MITF: variants seen among roughly 807,000 people sequenced by gnomAD.
The protein encoded by MITF is microphthalmia-associated transcription factor.
MITF carries 17 observed loss-of-function variants against 60.5 expected under a neutral mutation model. The ratio of observed to expected loss-of-function variants is 0.28; its 90% CI spans 0.19 to 0.42. The LOEUF (loss-of-function observed/expected upper bound fraction) is 0.42. MITF is among the 10% of genes least tolerant of loss of function. The probability of loss-of-function intolerance (pLI) is 1.00; values close to 1 mark genes in which losing one functional copy is unlikely to be tolerated. For missense variants in MITF, 622 were observed against 683.5 expected (o/e 0.91, Z 1.00); for synonymous variants, 260 against 248.5 (o/e 1.05, Z -0.43).
intron 1 of MITF, among the ~76,000 whole-genome samples, chr3:69,856,149 G>A (rs544118564): frequency 3.9e-5 from 6 of 152,128 alleles, no homozygotes; most frequent in African/African-American, 7.2e-5. Flanking sequence ...CCACTCTATC[G>A]GGGCTGTGTT....
At chr3:69,854,310 C>T (rs1200868697) in intron 1 of MITF, among the ~76,000 whole-genome samples, 1 of 152,110 alleles carries the variant, frequency 6.6e-6, no homozygotes, top group Non-Finnish European at 1.5e-5. Context: ...TCCTTGGTAT[C>T]CTTGGGGGAT....
At chr3:69,916,537 G>C (rs2065339201) in intron 2 of MITF, among the ~76,000 whole-genome samples, 1 of 151,922 alleles carries the variant, frequency 6.6e-6, no homozygotes, top group African/African-American at 2.4e-5. Context: ...GTTAAATTTG[G>C]GATTGTTTAA....
At chr3:69,799,836 A>G (rs2062888811) in intron 1 of MITF, among the ~76,000 whole-genome samples, 1 of 152,076 alleles carries the variant, frequency 6.6e-6, no homozygotes. Flanking sequence ...TCACAAAGAA[A>G]CCTATACTGG....
At chr3:69,951,919 GA>G (rs1225022085) in intron 7 of MITF, 33 bp downstream of exon 7, 1 of 1,462,472 alleles carries the variant, frequency 6.8e-7, no homozygotes, top group Admixed American at 1.7e-5. Flanking sequence ...CATGACATTT[GA>G]TATTAATGTT....
At chr3:69,761,684 A>G (rs1203374347) in intron 1 of MITF, among the ~76,000 whole-genome samples, 4 of 152,244 alleles carry the variant, frequency 2.6e-5, no homozygotes, top group African/African-American at 9.6e-5. Context: ...GCCTGTCTGC[A>G]TAGTCCTTTG....
chr3:69,860,923 G>GA (rs1326382610), intron 1 of MITF, among the ~76,000 whole-genome samples: 4 of 152,168 alleles, frequency 2.6e-5, no homozygotes, highest in South Asian at 2.1e-4. Context: ...CTTGGTAGGA[G>GA]AAAAAAATAG....
chr3:69,915,504 T>C, intron 2 of MITF, among the ~76,000 whole-genome samples: 1 of 151,574 alleles, frequency 6.6e-6, no homozygotes, highest in South Asian at 2.1e-4. Flanking sequence ...AATATTTATA[T>C]ATATTTAAAT....
intron 1 of MITF, among the ~76,000 whole-genome samples, chr3:69,844,643 G>A (rs1462867580): frequency 1.3e-5 from 2 of 152,146 alleles, no homozygotes; most frequent in Non-Finnish European, 2.9e-5. Flanking sequence ...AAACTAAAGA[G>A]CTTCTGCACA....
At chr3:69,775,354 G>A (rs1472423735) in intron 1 of MITF, among the ~76,000 whole-genome samples, 1 of 152,140 alleles carries the variant, frequency 6.6e-6, no homozygotes, top group Non-Finnish European at 1.5e-5. Context: ...ACCTATTTAT[G>A]TGAAATGTCT....
At chr3:69,951,760 T>C (rs2066261297) in intron 6 of MITF, 52 bp from the exon 7 acceptor site, 2 of 1,348,390 alleles carry the variant, frequency 1.5e-6, no homozygotes, top group Non-Finnish European at 2.1e-6. Context: ...AGTTTACATT[T>C]TGTGCAACTT....
intron 2 of MITF, among the ~76,000 whole-genome samples, chr3:69,920,733 C>G (rs369688654): frequency 2.6e-5 from 4 of 152,156 alleles, no homozygotes; most frequent in Admixed American, 6.5e-5. Flanking sequence ...GCCAGACATT[C>G]GGGGCCACTA....
intron 2 of MITF, among the ~76,000 whole-genome samples, chr3:69,896,211 T>C (rs74568017): frequency 0.038 from 5,744 of 152,260 alleles, 140 homozygotes; most frequent in Middle Eastern, 0.061. Flanking sequence ...TATTAATGCT[T>C]GAAGTAGTCA....
At chr3:69,889,919 A>G (rs2064720236) in intron 2 of MITF, among the ~76,000 whole-genome samples, 1 of 152,180 alleles carries the variant, frequency 6.6e-6, no homozygotes, top group East Asian at 1.9e-4. Flanking sequence ...TGGACAGCAC[A>G]GAACTAAGGC....
intron 2 of MITF, among the ~76,000 whole-genome samples, chr3:69,895,992 C>A (rs149323876): frequency 6.6e-6 from 1 of 152,124 alleles, no homozygotes; most frequent in Non-Finnish European, 1.5e-5. Context: ...CTCGCTCACT[C>A]CTTTCCTCCC....
chr3:69,739,781 G>C, intron 1 of MITF, 80 bp downstream of exon 1: 3 of 1,087,404 alleles, frequency 2.8e-6, no homozygotes, highest in Non-Finnish European at 4.1e-6. Flanking sequence ...AGGAGAGCGG[G>C]TCGCGGGAGC....
intron 1 of MITF, among the ~76,000 whole-genome samples, chr3:69,802,296 A>C (rs933718372): frequency 1.3e-5 from 2 of 152,142 alleles, no homozygotes; most frequent in Non-Finnish European, 2.9e-5. Context: ...TCCAGCCCCA[A>C]ATGTCAATCG....
At position 69,965,905 on chromosome 3, in the gene MITF, T is replaced by G. The variant is rs1342630648; in HGVS notation, c.*657T>G. The G allele has an allele frequency of 4.3e-6, 1 of 231,300 alleles. No individual in the cohort carries two copies. The highest frequency in any genetic ancestry group is 8.5e-6 in the Non-Finnish European group (1 of 117,038). 14.3% of individuals were successfully genotyped at this position (231,300 alleles called of 1,614,324 possible). A position where few individuals can be genotyped will look rare whatever the true frequency, so the allele number is the denominator to read the frequency against. On this transcript the variant is annotated 3_prime_UTR_variant, in exon 10 of 10. Transcript: ENST00000352241. ...ACTGAAGGGAGTTAGACCAAGGCTC[T>G]GAAATATAAAGTCTAATCTTGCTCT... is the stretch of plus-strand genomic sequence containing the variant.
chr3:69,865,689 T>C (rs531111877), intron 1 of MITF, among the ~76,000 whole-genome samples: 2 of 152,266 alleles, frequency 1.3e-5, no homozygotes, highest in African/African-American at 4.8e-5. Flanking sequence ...TCTTGGGGTC[T>C]GAGGGTAAGG....
At chr3:69,907,177 G>A (rs1049618697) in intron 2 of MITF, among the ~76,000 whole-genome samples, 1 of 152,090 alleles carries the variant, frequency 6.6e-6, no homozygotes. Flanking sequence ...ACTAAAGAAT[G>A]AAAGGGATTC....
Sources: allele counts gnomAD v4.1 joint callset (sites outside exome capture counted in the v4.1 genomes callset), GRCh38; gene constraint gnomAD v4.1.1; transcripts MANE v1.5; gene names NCBI Gene and HGNC (gene_info 2026-07-23, HGNC 2026-07-21).